The following MED13L variants were observed in gnomAD, a reference collection of about 807,000 sequenced individuals.
MED13L encodes mediator of RNA polymerase II transcription subunit 13-like.
MED13L carries 7 observed loss-of-function variants against 220.9 expected under a neutral mutation model. The ratio of observed to expected loss-of-function variants is 0.03; its 90% CI spans 0.02 to 0.06. The LOEUF (loss-of-function observed/expected upper bound fraction) is 0.06, where lower values mean the gene tolerates loss of function less well. MED13L is among the 10% of genes least tolerant of loss of function. MED13L has a pLI of 1.00. For synonymous variants in MED13L, 1,011 were observed against 1,015.2 expected, an observed-to-expected ratio of 1.00 and a Z score of 0.08; for missense variants, 1,965 against 2,760.5, an observed-to-expected ratio of 0.71 and a Z score of 6.46.
intron 4 of MED13L, among the ~76,000 whole-genome samples, chr12:116,051,521 C>T (rs1237200390): frequency 6.6e-6 from 1 of 152,170 alleles, no homozygotes; most frequent in African/African-American, 2.4e-5. Context: ...CAACCAAGTA[C>T]AGGCTGAATA....
At chr12:116,092,728 ATAGT>A (rs1210269458) in intron 4 of MED13L, among the ~76,000 whole-genome samples, 1 of 152,190 alleles carries the variant, frequency 6.6e-6, no homozygotes, top group Non-Finnish European at 1.5e-5. Flanking sequence ...GACAAAAACG[ATAGT>A]TAAAGTAATA....
intron 4 of MED13L, among the ~76,000 whole-genome samples, chr12:116,048,790 C>G (rs1049138833): frequency 1.3e-5 from 2 of 152,136 alleles, no homozygotes; most frequent in Non-Finnish European, 2.9e-5. Context: ...GCCTAAGTTA[C>G]AGACAGCCAT....
chr12:116,194,767 A>C (rs1881512291), intron 2 of MED13L, among the ~76,000 whole-genome samples: 1 of 152,204 alleles, frequency 6.6e-6, no homozygotes, highest in South Asian at 2.1e-4. Context: ...ATTTACTGGA[A>C]CTTCCAATCA....
At chr12:116,186,640 G>A (rs76116593) in intron 2 of MED13L, among the ~76,000 whole-genome samples, 43 of 152,236 alleles carry the variant, frequency 2.8e-4, no homozygotes, top group Middle Eastern at 6.8e-3. Context: ...TTTACAGTGA[G>A]GAAAGTGCAA....
At chr12:116,268,079 G>A (rs1320011339) in intron 1 of MED13L, among the ~76,000 whole-genome samples, 1 of 152,204 alleles carries the variant, frequency 6.6e-6, no homozygotes, top group Non-Finnish European at 1.5e-5. Flanking sequence ...AATCGTCCAG[G>A]AATTCCATCA....
chr12:116,189,675 G>T (rs1593146471), intron 2 of MED13L, among the ~76,000 whole-genome samples: 1 of 152,160 alleles, frequency 6.6e-6, no homozygotes, highest in Non-Finnish European at 1.5e-5. Context: ...GACAGGTCAG[G>T]AGACATTGTT....
chr12:116,035,773 T>C (rs1205304150), intron 4 of MED13L, among the ~76,000 whole-genome samples: 1 of 151,906 alleles, frequency 6.6e-6, no homozygotes, highest in African/African-American at 2.4e-5. Flanking sequence ...ACATTTTTGG[T>C]AGAGACGGGG....
chr12:116,147,607 C>T (rs1000088775), intron 2 of MED13L, among the ~76,000 whole-genome samples: 2 of 152,174 alleles, frequency 1.3e-5, no homozygotes, highest in East Asian at 3.9e-4. Context: ...CTTGTATTAA[C>T]GACTCTGCTA....
At chr12:116,232,547 T>A (rs1869663451) in intron 2 of MED13L, among the ~76,000 whole-genome samples, 1 of 152,170 alleles carries the variant, frequency 6.6e-6, no homozygotes, top group Non-Finnish European at 1.5e-5. Flanking sequence ...CTGCCGGGAG[T>A]GCAATACTGC....
chr12:116,153,118 T>A (rs189042284), intron 2 of MED13L, among the ~76,000 whole-genome samples: 17 of 152,296 alleles, frequency 1.1e-4, no homozygotes, highest in African/African-American at 4.1e-4. Context: ...AATTAGTGTG[T>A]AACATAATTA....
intron 4 of MED13L, among the ~76,000 whole-genome samples, chr12:116,095,009 A>G (rs1182570731): frequency 6.6e-6 from 1 of 152,086 alleles, no homozygotes; most frequent in East Asian, 1.9e-4. Flanking sequence ...AAAAAATTTA[A>G]AAATGAGCTG....
chr12:116,085,894 G>A (rs1424104020), intron 4 of MED13L, among the ~76,000 whole-genome samples: 1 of 152,066 alleles, frequency 6.6e-6, no homozygotes, highest in African/African-American at 2.4e-5. Context: ...GAAGAGAGAT[G>A]GAATTTAACT....
At chr12:116,136,181 G>A (rs1306054880) in intron 2 of MED13L, among the ~76,000 whole-genome samples, 6 of 152,212 alleles carry the variant, frequency 3.9e-5, no homozygotes, top group South Asian at 4.1e-4. Context: ...GATTACAGGC[G>A]TGAGCCACTG....
intron 2 of MED13L, among the ~76,000 whole-genome samples, chr12:116,205,332 C>T (rs1050528101): frequency 1.3e-5 from 2 of 149,872 alleles, no homozygotes; most frequent in East Asian, 2.0e-4. Flanking sequence ...TTTTTTTTAA[C>T]GTTTTTCCTA....
chr12:116,034,254 C>T (rs1488736886), intron 4 of MED13L, among the ~76,000 whole-genome samples: 2 of 152,014 alleles, frequency 1.3e-5, no homozygotes, highest in Admixed American at 6.6e-5. Context: ...TTTTGGACCC[C>T]AGTACTTAGT....
At chr12:116,106,582 C>T (rs1029269279) in intron 3 of MED13L, among the ~76,000 whole-genome samples, 3 of 152,156 alleles carry the variant, frequency 2.0e-5, no homozygotes, top group Admixed American at 6.5e-5. Flanking sequence ...CAGTGGCTCA[C>T]GCCTGTAGTC....
intron 4 of MED13L, among the ~76,000 whole-genome samples, chr12:116,093,254 C>T (rs1872385001): frequency 6.6e-6 from 1 of 151,978 alleles, no homozygotes; most frequent in East Asian, 1.9e-4. Context: ...TAGTTGTCAC[C>T]ACTCAAGGGC....
chr12:115,995,452 C>G (rs184466072), intron 16 of MED13L, among the ~76,000 whole-genome samples: 1 of 152,124 alleles, frequency 6.6e-6, no homozygotes, highest in African/African-American at 2.4e-5. Flanking sequence ...GTGACAGGGT[C>G]TTGCTCTGTC....
At chr12:116,146,040 T>C (rs1034540749) in intron 2 of MED13L, among the ~76,000 whole-genome samples, 1 of 152,214 alleles carries the variant, frequency 6.6e-6, no homozygotes, top group East Asian at 1.9e-4. Context: ...GCGGGCCGCA[T>C]GAGGCCCAGA....
Sources: gnomAD v4.1 joint callset for allele counts (sites outside exome capture counted in the v4.1 genomes callset) on GRCh38, gnomAD v4.1.1 for gene constraint, MANE v1.5 for transcripts, NCBI Gene and HGNC (gene_info 2026-07-23, HGNC 2026-07-21) for gene names.